Variants in PPP1R1C observed in about 807,000 individuals in gnomAD.
The protein encoded by PPP1R1C is protein phosphatase 1 regulatory inhibitor subunit 1C.
In PPP1R1C, 15 loss-of-function variants were observed where a neutral mutation model predicts 17.4. That is an observed-to-expected ratio of 0.86 (90% CI 0.58 to 1.33). The LOEUF (loss-of-function observed/expected upper bound fraction) is 1.33. PPP1R1C is among the 40% of genes most tolerant of loss of function. The pLI, the probability that PPP1R1C is intolerant of heterozygous loss-of-function variation, is 0.00. For missense variants in PPP1R1C, 143 were observed against 130.0 expected, an observed-to-expected ratio of 1.10 and a Z score of -0.48; for synonymous variants, 35 against 43.1, an observed-to-expected ratio of 0.81 and a Z score of 0.73.
At chr2:182,093,773 C>T (rs1382539576) in intron 4 of PPP1R1C, among the ~76,000 whole-genome samples, 2 of 152,210 alleles carry the variant, frequency 1.3e-5, no homozygotes, top group Non-Finnish European at 2.9e-5. Context: ...CCAATAAGTT[C>T]CTCATTTCCA....
At chr2:182,128,636 G>C (rs1689933415) in intron 5 of PPP1R1C, among the ~76,000 whole-genome samples, 1 of 136,638 alleles carries the variant, frequency 7.3e-6, no homozygotes, top group Admixed American at 7.7e-5. Flanking sequence ...ATATGCATAT[G>C]TATGTACGTA....
chr2:181,962,213 T>C lies in PPP1R1C; in HGVS notation n.111+7579T>C, dbSNP rs1008812229. ...TCTGTCCAGGTAGGAGGCCAGACGG[T>C]CATTCAGGCTTTGCATTGTCTCCTT... On this transcript the variant is annotated intron_variant and non_coding_transcript_variant, in intron 1 of 5. Coordinates refer to the PPP1R1C transcript ENST00000464264. The surrounding 1 kb of genome is among the most constrained non-coding windows in gnomAD (Gnocchi z 6.0). 5 of 736,204 alleles carry C rather than the reference T, an allele frequency of 6.8e-6. No individual in the cohort carries two copies. Among genetic ancestry groups the C allele is most frequent in the Non-Finnish European group, 1.2e-5 (5 of 404,514 alleles). 45.6% of individuals were successfully genotyped at this position (736,204 alleles called of 1,614,324 possible). A position where few individuals can be genotyped will look rare whatever the true frequency, so the allele number is the denominator to read the frequency against.
chr2:182,058,117 T>G (rs188935943), intron 2 of PPP1R1C, among the ~76,000 whole-genome samples: 25 of 152,232 alleles, frequency 1.6e-4, no homozygotes, highest in Middle Eastern at 3.4e-3. Flanking sequence ...TTTATTGAGA[T>G]AGTTTTATAA....
intron 4 of PPP1R1C, among the ~76,000 whole-genome samples, chr2:182,092,130 C>T (rs1448662767): frequency 6.6e-6 from 1 of 152,166 alleles, no homozygotes; most frequent in Non-Finnish European, 1.5e-5. Context: ...CTGATAAAGA[C>T]ATACCTGAGA....
At chr2:181,988,646 A>AT (rs1326946184) in intron 2 of PPP1R1C, among the ~76,000 whole-genome samples, 1 of 152,154 alleles carries the variant, frequency 6.6e-6, no homozygotes, top group South Asian at 2.1e-4. Flanking sequence ...TTGGTGTTGG[A>AT]TTTTTTTGCA....
intron 3 of PPP1R1C, among the ~76,000 whole-genome samples, chr2:182,063,293 C>A (rs1217611326): frequency 1.3e-5 from 2 of 151,974 alleles, no homozygotes; most frequent in Non-Finnish European, 2.9e-5. Context: ...CTGTTACTTT[C>A]CAAGGATCTT....
chr2:182,124,686 G>T lies in PPP1R1C; in HGVS notation c.*7-4288G>T, dbSNP rs187823088. Among the ~76,000 whole-genome samples the T allele has an allele frequency of 2.0e-4, 30 of 152,136 alleles. No individual in the cohort carries two copies. The East Asian group carries it at 5.6e-3, about 28-fold the overall frequency. ...TGTGAATGGGTGTTCACATGATTTT[G>T]CTCTCTGTTTGTCTATTATTGGTGT... On this transcript the variant is annotated intron_variant, in intron 5 of 5. Coordinates refer to the PPP1R1C transcript ENST00000280295.
At chr2:182,081,741 C>T (rs949165680) in intron 4 of PPP1R1C, among the ~76,000 whole-genome samples, 3 of 152,150 alleles carry the variant, frequency 2.0e-5, no homozygotes, top group Non-Finnish European at 2.9e-5. Flanking sequence ...ATTACATTAA[C>T]TATGTCTAAT....
chr2:182,047,490 A>G (rs889350092), intron 2 of PPP1R1C, among the ~76,000 whole-genome samples: 1 of 152,196 alleles, frequency 6.6e-6, no homozygotes, highest in Non-Finnish European at 1.5e-5. Flanking sequence ...TTAAAAAACT[A>G]GAATTACTGG....
chr2:182,106,938 G>C (rs1411347050), intron 4 of PPP1R1C, among the ~76,000 whole-genome samples: 2 of 152,098 alleles, frequency 1.3e-5, no homozygotes, highest in African/African-American at 4.8e-5. Flanking sequence ...CATGCCCTTC[G>C]AGGGGTATAA....
intron 4 of PPP1R1C, among the ~76,000 whole-genome samples, chr2:182,110,474 A>G (rs1689384973): frequency 6.6e-6 from 1 of 152,146 alleles, no homozygotes; most frequent in South Asian, 2.1e-4. Context: ...TGGTGAGCTC[A>G]GAGTCAGAGC....
At chr2:181,968,413 C>T (rs562900968) in intron 1 of PPP1R1C, among the ~76,000 whole-genome samples, 1 of 152,266 alleles carries the variant, frequency 6.6e-6, no homozygotes, top group South Asian at 2.1e-4. Context: ...GTTATATCCT[C>T]TTGCTAAAAT....
At chr2:182,067,822 A>C (rs1219515019) in intron 4 of PPP1R1C, among the ~76,000 whole-genome samples, 1 of 152,154 alleles carries the variant, frequency 6.6e-6, no homozygotes, top group South Asian at 2.1e-4. Context: ...CACAGGGGGA[A>C]GTTCATGTAA....
intron 4 of PPP1R1C, among the ~76,000 whole-genome samples, chr2:182,099,423 C>G (rs1689036802): frequency 6.6e-6 from 1 of 152,152 alleles, no homozygotes. Context: ...CTCCTGCCCC[C>G]ACAAGACAGG....
At chr2:182,115,913 A>G (rs1223944678) in intron 4 of PPP1R1C, among the ~76,000 whole-genome samples, 1 of 152,108 alleles carries the variant, frequency 6.6e-6, no homozygotes, top group Non-Finnish European at 1.5e-5. Context: ...AGTGTTTTTT[A>G]GTAATACTTA....
intron 2 of PPP1R1C, among the ~76,000 whole-genome samples, chr2:182,059,574 G>A (rs1424280038): frequency 1.3e-5 from 2 of 152,028 alleles, no homozygotes; most frequent in African/African-American, 2.4e-5. Flanking sequence ...ATTGGCTTCC[G>A]TTGTACCTTT....
At chr2:182,059,408 G>A (rs767553640) in intron 2 of PPP1R1C, among the ~76,000 whole-genome samples, 3 of 151,862 alleles carry the variant, frequency 2.0e-5, no homozygotes, top group Non-Finnish European at 4.4e-5. Context: ...TTTGAAGACA[G>A]GGGTATATTC....
At chr2:182,047,154 C>G (rs1007696669) in intron 2 of PPP1R1C, among the ~76,000 whole-genome samples, 1 of 152,088 alleles carries the variant, frequency 6.6e-6, no homozygotes, top group Admixed American at 6.5e-5. Flanking sequence ...AATTATTTCC[C>G]CTACTTCTAC....
intron 2 of PPP1R1C, among the ~76,000 whole-genome samples, chr2:181,989,845 T>C (rs1685407717): frequency 6.6e-6 from 1 of 152,152 alleles, no homozygotes; most frequent in African/African-American, 2.4e-5. Flanking sequence ...ACTAGAATAG[T>C]CTACAAAGAA....
Sources: gnomAD v4.1 joint callset for allele counts (sites outside exome capture counted in the v4.1 genomes callset) on GRCh38, gnomAD v4.1.1 for gene constraint, Gnocchi (gnomAD v3.1) non-coding constraint, MANE v1.5 for transcripts, NCBI Gene and HGNC (gene_info 2026-07-23, HGNC 2026-07-21) for gene names.